The following CSNK1G2 variants were observed in gnomAD, a reference collection of about 807,000 sequenced individuals.
CSNK1G2 encodes casein kinase I isoform gamma-2.
A neutral mutation model predicts 48.0 loss-of-function variants in CSNK1G2; 11 were observed. The ratio of observed to expected loss-of-function variants is 0.23; its 90% CI spans 0.14 to 0.38. The LOEUF (loss-of-function observed/expected upper bound fraction) is 0.38, where lower values mean the gene tolerates loss of function less well. Among genes scored for constraint, CSNK1G2 ranks in the 10% least tolerant of loss-of-function variants. The pLI is 1.00. For missense variants in CSNK1G2, 446 were observed against 595.5 expected (o/e 0.75, Z 2.61); for synonymous variants, 337 against 254.1 (o/e 1.33, Z -3.10).
Position 1,978,866 on chromosome 19 carries a change from G to A in CSNK1G2, c.455G>A (p.Arg152His). The stretch of plus-strand genomic sequence containing the variant: ...CGCCGTGCCCCCCTGCAGATCACGC[G>A]CATGGAGTATGTGCACACCAAGAGC... ...VLMIAIQLIT[R>H]MEYVHTKSLI... is the part of the protein sequence containing the mutation. The change falls in exon 6 of 12, where the codon CGC (arginine) becomes CAC (histidine). Residue 152 changes from arginine to histidine, a missense_variant. This residue lies in a region of CSNK1G2 where 258 missense variants were observed against 415.9 expected (regional missense o/e 0.62). Coordinates refer to ENST00000255641, the MANE Select transcript of CSNK1G2 (RefSeq NM_001319.7). The surrounding 1 kb of genome is among the most constrained non-coding windows in gnomAD (Gnocchi z 7.3). The A allele has an allele frequency of 1.2e-6, 2 of 1,602,300 alleles. No homozygotes were observed. Among genetic ancestry groups the A allele is most frequent in the African/African-American group, 1.3e-5 (1 of 74,928 alleles).
chr19:1,975,471 T>C, intron 2 of CSNK1G2: 2 of 985,386 alleles, frequency 2.0e-6, no homozygotes, highest in Non-Finnish European at 2.4e-6. Flanking sequence ...CGGGAGGGCG[T>C]GCCTCAAGGG....
rs551216930 is a variant in CSNK1G2, at chr19:1,941,209, G to A, written c.-475G>A. 6.8e-6 allele frequency: 1 copy of A among 146,222 alleles called. No homozygotes were observed. The highest frequency in any genetic ancestry group is 1.5e-5 in the Non-Finnish European group (1 of 65,772). 9.1% of individuals were successfully genotyped at this position (146,222 alleles called of 1,614,324 possible). On this transcript the variant is annotated 5_prime_UTR_variant, in exon 1 of 12. Transcript: ENST00000255641. ...CGTAAGGCGCGCGGGCCCCGGAGCG[G>A]GCGCGGCGGAGCGCGGCGAGCCCGG... is the stretch of plus-strand genomic sequence containing the variant.
In CSNK1G2 at chr19:1,978,639, G is replaced by A. The variant is rs1417842123; in HGVS notation, c.336G>A (p.Gly112=). 1 of 1,606,396 alleles carries A rather than the reference G, an allele frequency of 6.2e-7. No individual in the cohort carries two copies. Residue 112 remains glycine, a synonymous_variant, in exon 5 of 12, where the codon GGG becomes GGA. Transcript: ENST00000255641. This position sits in a 1 kb window ranked among gnomAD's most constrained non-coding sequence, Gnocchi z 7.3. ...AGGTCTACTACTTCGGTCCGTGCGGGAAGTACAACGCCATGGTGCTGGAGC... is the reference window on the plus strand; with the variant it reads ...AGGTCTACTACTTCGGTCCGTGCGGAAAGTACAACGCCATGGTGCTGGAGC... The part of the protein sequence containing the change: ...VPQVYYFGPC[G]KYNAMVLELL...
intron 1 of CSNK1G2, among the ~76,000 whole-genome samples, chr19:1,959,498 C>G (rs1241709093): frequency 6.8e-6 from 1 of 147,910 alleles, no homozygotes; most frequent in Admixed American, 6.7e-5. Context: ...TGCTCGGCCC[C>G]CAGCACCCGC....
chr19:1,961,006 T>C (rs2015180175), intron 1 of CSNK1G2, among the ~76,000 whole-genome samples: 1 of 152,242 alleles, frequency 6.6e-6, no homozygotes, highest in East Asian at 1.9e-4. Flanking sequence ...TGTGGGCCGG[T>C]GTGCGGCGGG....
chr19:1,979,333 G>C lies in CSNK1G2; in HGVS notation c.783G>C (p.Lys261Asn). The change falls in exon 8 of 12, where the codon AAG becomes AAC. Residue 261 changes from lysine (K) to asparagine (N), a missense_variant. By Grantham distance (94) the Lys-to-Asn change is moderately conservative. Transcript: ENST00000255641. ...GACCCCCGCAGGCCGACACGCTCAAGGAGCGGTACCAGAAGATCGGGGACA... is the reference window on the plus strand; with the variant it reads ...GACCCCCGCAGGCCGACACGCTCAACGAGCGGTACCAGAAGATCGGGGACA... ...PWQGLKADTLKERYQKIGDTK... is the reference protein window; with the variant it reads ...PWQGLKADTLNERYQKIGDTK... 6.2e-7 allele frequency: 1 copy of C among 1,603,912 alleles called. No homozygotes were observed. Among genetic ancestry groups the C allele is most frequent in the Non-Finnish European group, 8.5e-7 (1 of 1,176,448 alleles).
chr19:1,976,546 C>T (rs979972731), intron 2 of CSNK1G2, among the ~76,000 whole-genome samples: 3 of 152,180 alleles, frequency 2.0e-5, no homozygotes, highest in East Asian at 1.9e-4. Flanking sequence ...GGGCACTAGC[C>T]GGGGGAAGAG....
Position 1,979,565 on chromosome 19 carries a change from G to T in CSNK1G2, c.924G>T (p.Leu308=). 6.2e-7 allele frequency: 1 copy of T among 1,609,024 alleles called. No individual in the cohort carries two copies. ...DFFEKPDYDY[L]RKLFTDLFDR... ...TCGAGAAGCCCGACTATGACTACCTGCGGAAGCTCTTCACCGACCTCTTCG... is the reference window on the plus strand; with the variant it reads ...TCGAGAAGCCCGACTATGACTACCTTCGGAAGCTCTTCACCGACCTCTTCG... The change falls in exon 9 of 12, where the codon CTG becomes CTT. Residue 308 remains leucine (L), a synonymous_variant. Coordinates refer to ENST00000255641, the MANE Select transcript of CSNK1G2 (RefSeq NM_001319.7).
At chr19:1,977,028 C>A (rs1274937515) in intron 2 of CSNK1G2, among the ~76,000 whole-genome samples, 1 of 152,130 alleles carries the variant, frequency 6.6e-6, no homozygotes, top group Non-Finnish European at 1.5e-5. Flanking sequence ...CATAAGCCAC[C>A]GTGCCCGGCC....
rs57539657 is a variant in CSNK1G2, at chr19:1,967,925, T to C, written c.-265-1583T>C. On this transcript the variant is annotated intron_variant, in intron 1 of 11. Coordinates refer to ENST00000255641, the MANE Select transcript of CSNK1G2 (RefSeq NM_001319.7). ...CAGGTGGGGCTCCTCCCTCCTCCCT[T>C]CTCCCCAGGCTGCCCCCGACCACCC... Among the ~76,000 whole-genome samples, 62 of 14,772 alleles carry C rather than the reference T, an allele frequency of 4.2e-3. 1 individual carries two copies. The highest frequency in any genetic ancestry group is 4.5e-3 in the African/African-American group (12 of 2,656). The allele number at this position is 14,772 out of a possible 152,430, so 9.7% of individuals were successfully genotyped here. A position where few individuals can be genotyped will look rare whatever the true frequency, so the allele number is the denominator to read the frequency against.
At chr19:1,958,227 C>T (rs1035441557) in intron 1 of CSNK1G2, among the ~76,000 whole-genome samples, 1 of 151,686 alleles carries the variant, frequency 6.6e-6, no homozygotes, top group Non-Finnish European at 1.5e-5. Context: ...TGATGTCTGT[C>T]CAGAGCACGG....
chr19:1,979,854 C>T lies in CSNK1G2; in HGVS notation c.1086+19C>T, dbSNP rs777163089. ...AAACCAGGTGAGGCCCGGGCGGGAC[C>T]GACCGCCCCAGGGAGGGGCATGGGC... On this transcript the variant is annotated intron_variant, in intron 10 of 11. Transcript: ENST00000255641. The T allele has an allele frequency of 3.9e-5, 63 of 1,602,150 alleles. No homozygotes were observed. In the East Asian group the frequency reaches 9.7e-4, roughly 25 times the overall value.
intron 1 of CSNK1G2, among the ~76,000 whole-genome samples, chr19:1,961,334 T>C (rs1180411047): frequency 6.6e-6 from 1 of 152,336 alleles, no homozygotes; most frequent in Admixed American, 6.5e-5. Context: ...GCGCTGCTGC[T>C]TGTTCCCCTA....
At position 1,949,752 on chromosome 19, in the gene CSNK1G2, A is replaced by C. The variant is rs148813176; in HGVS notation, c.-266+8334A>C. The stretch of plus-strand genomic sequence containing the variant: ...CGGGTTTTGGGGACTGGATCTCTGC[A>C]CAGCGACGACCACTCCCCTCTTCCG... On this transcript the variant is annotated intron_variant, in intron 1 of 11. Coordinates refer to ENST00000255641, the MANE Select transcript of CSNK1G2 (RefSeq NM_001319.7). Among the ~76,000 whole-genome samples the C allele has an allele frequency of 3.1e-3, 476 of 152,210 alleles. 4 individuals are homozygous for C. Among genetic ancestry groups the C allele is most frequent in the African/African-American group, 0.011 (447 of 41,540 alleles).
Position 1,957,063 on chromosome 19 carries a change from C to G in CSNK1G2, c.-265-12445C>G, listed in dbSNP as rs114812448. Among the ~76,000 whole-genome samples, 1 of 152,132 alleles carries G rather than the reference C, an allele frequency of 6.6e-6. No homozygotes were observed. Among genetic ancestry groups the G allele is most frequent in the Non-Finnish European group, 1.5e-5 (1 of 68,024 alleles). ...CTTCGACGGTCGTGCCCTGATGCTG[C>G]GTGGCTTAAACGGTGCCACCCGGAG... On this transcript the variant is annotated intron_variant, in intron 1 of 11. Transcript: ENST00000255641. This position sits in a 1 kb window ranked among gnomAD's most constrained non-coding sequence, Gnocchi z 5.4.
chr19:1,963,883 C>A (rs866348178), intron 1 of CSNK1G2, among the ~76,000 whole-genome samples: 4 of 147,824 alleles, frequency 2.7e-5, no homozygotes, highest in Middle Eastern at 3.3e-3. Context: ...ATGGCACGAT[C>A]TTGGCTCACT....
At position 1,979,032 on chromosome 19, in the gene CSNK1G2, C is replaced by T. The variant is rs375946759; in HGVS notation, c.621C>T (p.Arg207=). Residue 207 remains arginine (R), a synonymous_variant, in exon 6 of 12, where the codon CGC becomes CGT. Transcript: ENST00000255641. ...AGACCAAGAAGCACATCCCGTACCG[C>T]GAGCACAAGAGCCTGACGGGCACGG... ...DPETKKHIPY[R]EHKSLTGTAR... 3.1e-5 allele frequency: 50 copies of T among 1,598,190 alleles called. No homozygotes were observed. Among genetic ancestry groups the T allele is most frequent in the Non-Finnish European group, 4.1e-5 (48 of 1,179,444 alleles).
chr19:1,979,800 C>T lies in CSNK1G2; in HGVS notation c.1051C>T (p.Leu351Phe), dbSNP rs1254810350. Residue 351 changes from leucine to phenylalanine, a missense_variant, in exon 10 of 12, where the codon CTC (leucine) becomes TTC (phenylalanine). Leu to Phe is a conservative substitution (Grantham distance 22). Transcript: ENST00000255641. Reference protein sequence around the residue: ...VHTDLPSQPQLRDKTQPHSKN... With the variant: ...VHTDLPSQPQFRDKTQPHSKN... ...CACCGACCTGCCCTCCCAGCCTCAG[C>T]TCCGGGACAAAACCCAGCCGCACAG... 25 of 1,607,312 alleles carry T rather than the reference C, an allele frequency of 1.6e-5. No homozygotes were observed. The highest frequency in any genetic ancestry group is 2.1e-5 in the Non-Finnish European group (25 of 1,178,446).
At chr19:1,963,754 C>T (rs1249895438) in intron 1 of CSNK1G2, among the ~76,000 whole-genome samples, 4 of 150,500 alleles carry the variant, frequency 2.7e-5, no homozygotes, top group African/African-American at 9.8e-5. Context: ...GTGATCCACC[C>T]ACTTTGGCCT....
Sources: allele counts gnomAD v4.1 joint callset (sites outside exome capture counted in the v4.1 genomes callset), GRCh38; gene constraint gnomAD v4.1.1; regional missense constraint gnomAD v4.1.1; non-coding constraint Gnocchi (gnomAD v3.1); transcripts MANE v1.5; gene names NCBI Gene and HGNC (gene_info 2026-07-23, HGNC 2026-07-21).